The following RGS9 variants were observed in gnomAD, a reference collection of about 807,000 sequenced individuals.
RGS9 encodes the protein regulator of G protein signaling 9, also known as regulator of G-protein signalling 9.
RGS9 carries 78 observed loss-of-function variants against 102.0 expected under a neutral mutation model. The observed-to-expected ratio is 0.76, with a 90% confidence interval of 0.64 to 0.92. The LOEUF is 0.92. Among genes scored for constraint, RGS9 ranks in the 40% least tolerant of loss-of-function variants. The pLI is 0.00. For missense variants in RGS9, 833 were observed against 866.1 expected (o/e 0.96, Z 0.48); for synonymous variants, 353 against 318.6 (o/e 1.11, Z -1.15).
In RGS9 at chr17:65,173,805, G is replaced by A. The variant is rs900959904; in HGVS notation, c.583-3927G>A. Among the ~76,000 whole-genome samples the A allele has an allele frequency of 2.0e-5, 3 of 151,716 alleles. No individual in the cohort carries two copies. Among genetic ancestry groups the A allele is most frequent in the Non-Finnish European group, 4.4e-5 (3 of 68,048 alleles). ...CAGCACTCTGGTGATGATCATAGTGGGTCAAAGACTTTACACTACCTGATG... is the reference window on the plus strand; with the variant it reads ...CAGCACTCTGGTGATGATCATAGTGAGTCAAAGACTTTACACTACCTGATG... On this transcript the variant is annotated intron_variant, in intron 8 of 18. Coordinates refer to ENST00000262406, the MANE Select transcript of RGS9 (RefSeq NM_003835.4). This position sits in a 1 kb window ranked among gnomAD's most constrained non-coding sequence, Gnocchi z 4.8.
chr17:65,148,836 C>T (rs762007010), intron 1 of RGS9, among the ~76,000 whole-genome samples: 17 of 152,216 alleles, frequency 1.1e-4, no homozygotes, highest in Non-Finnish European at 2.1e-4. Flanking sequence ...GCATGAGCTA[C>T]CATGTCTGAC....
At chr17:65,212,677 G>A (rs57311249) in intron 17 of RGS9, among the ~76,000 whole-genome samples, 4,282 of 152,276 alleles carry the variant, frequency 0.028, 207 homozygotes, top group African/African-American at 0.096. Context: ...CTGGTTTCAT[G>A]TTAGCAAAAT....
chr17:65,167,304 C>T (rs916240207), intron 7 of RGS9, among the ~76,000 whole-genome samples: 11 of 152,012 alleles, frequency 7.2e-5, no homozygotes, highest in Non-Finnish European at 1.5e-4. Context: ...CAGATTCAAA[C>T]GATTCTCCTG....
At position 65,202,161 on chromosome 17, in the gene RGS9, T is replaced by C; in HGVS notation, c.1064+81T>C. On this transcript the variant is annotated intron_variant, in intron 14 of 18. Transcript: ENST00000262406. ...CATTGTGCTTGAGGTGAAGATAGGA[T>C]GAGAGGACAACAGCCTGGTAGCTGG... is the stretch of plus-strand genomic sequence containing the variant. The C allele has an allele frequency of 3.2e-6, 3 of 950,098 alleles. No individual in the cohort carries two copies. The South Asian group carries it at 4.0e-5, about 13-fold the overall frequency. 58.9% of individuals were successfully genotyped at this position (950,098 alleles called of 1,614,324 possible). A position where few individuals can be genotyped will look rare whatever the true frequency, so the allele number is the denominator to read the frequency against.
chr17:65,204,899 T>C (rs1168915361), intron 15 of RGS9, among the ~76,000 whole-genome samples: 1 of 152,196 alleles, frequency 6.6e-6, no homozygotes, highest in Non-Finnish European at 1.5e-5. Flanking sequence ...CTGGGATTCA[T>C]AGCCAGGTCT....
At chr17:65,167,376 ATT>A (rs111943608) in intron 7 of RGS9, among the ~76,000 whole-genome samples, 2,871 of 151,942 alleles carry the variant, frequency 0.019, 111 homozygotes, top group African/African-American at 0.066. Flanking sequence ...ACATTTTTAT[ATT>A]TTTGGTAGAG....
chr17:65,196,771 A>G (rs927355800), intron 12 of RGS9, among the ~76,000 whole-genome samples: 1 of 152,354 alleles, frequency 6.6e-6, no homozygotes, highest in African/African-American at 2.4e-5. Context: ...CTCCTAGTCC[A>G]GGTGGCAGCC....
At chr17:65,153,703 A>G (rs1910668402) in intron 2 of RGS9, among the ~76,000 whole-genome samples, 185 bp downstream of exon 2, 1 of 151,450 alleles carries the variant, frequency 6.6e-6, no homozygotes, top group Admixed American at 6.6e-5. Flanking sequence ...CATCCTGGCT[A>G]ACACGGTGAA....
At chr17:65,199,008 G>A (rs1912712392) in intron 13 of RGS9, among the ~76,000 whole-genome samples, 1 of 152,164 alleles carries the variant, frequency 6.6e-6, no homozygotes. Context: ...ATTCCTTAGT[G>A]AGAATCCAGC....
chr17:65,171,929 C>A (rs1295145226), intron 8 of RGS9, among the ~76,000 whole-genome samples: 1 of 152,212 alleles, frequency 6.6e-6, no homozygotes, highest in Non-Finnish European at 1.5e-5. Flanking sequence ...TGACTTCCTG[C>A]CTCCCAAGGA....
intron 1 of RGS9, among the ~76,000 whole-genome samples, chr17:65,141,095 G>A (rs1261886034): frequency 6.6e-6 from 1 of 152,218 alleles, no homozygotes; most frequent in East Asian, 1.9e-4. Flanking sequence ...CTCCATCTCA[G>A]TCTCAATGCA....
At position 65,168,574 on chromosome 17, in the gene RGS9, A is replaced by C. The variant is rs114827476; in HGVS notation, c.582+293A>C. Among the ~76,000 whole-genome samples, 1,167 of 134,800 alleles carry C rather than the reference A, an allele frequency of 8.7e-3. 11 individuals are homozygous for C. Among genetic ancestry groups the C allele is most frequent in the African/African-American group, 0.032 (1,119 of 35,024 alleles). The allele number at this position is 134,800 out of a possible 152,430, so 88.4% of individuals were successfully genotyped here. A position where few individuals can be genotyped will look rare whatever the true frequency, so the allele number is the denominator to read the frequency against. On this transcript the variant is annotated intron_variant, in intron 8 of 18. Transcript: ENST00000262406. ...TTTTTTTTTTTTTTTTTTTGCTAGGATATCATACCTTGGGAAAGGAATATA... is the reference window on the plus strand; with the variant it reads ...TTTTTTTTTTTTTTTTTTTGCTAGGCTATCATACCTTGGGAAAGGAATATA...
At chr17:65,199,488 C>CTTTTTTTTTT (rs3034101) in intron 13 of RGS9, among the ~76,000 whole-genome samples, 6 of 108,330 alleles carry the variant, frequency 5.5e-5, no homozygotes, top group African/African-American at 7.8e-5. Flanking sequence ...GCTTCTGTTC[C>CTTTTTTTTTT]TTTTTTTTTT....
At chr17:65,151,760 C>G (rs1598561784) in intron 1 of RGS9, among the ~76,000 whole-genome samples, 1 of 152,314 alleles carries the variant, frequency 6.6e-6, no homozygotes, top group Admixed American at 6.5e-5. Flanking sequence ...TCTGTGTCAC[C>G]CTTAGTGAAC....
chr17:65,172,424 C>T (rs936411807), intron 8 of RGS9, among the ~76,000 whole-genome samples: 2 of 151,926 alleles, frequency 1.3e-5, no homozygotes, highest in Non-Finnish European at 2.9e-5. Flanking sequence ...AGGCTGGTCT[C>T]GAACTCCTGA....
At chr17:65,159,084 C>T (rs1910881303) in intron 3 of RGS9, among the ~76,000 whole-genome samples, 1 of 152,178 alleles carries the variant, frequency 6.6e-6, no homozygotes. Flanking sequence ...TAACTGAGGG[C>T]ATTACCTTGT....
intron 9 of RGS9, among the ~76,000 whole-genome samples, chr17:65,182,995 T>C (rs1207771173): frequency 6.6e-6 from 1 of 152,196 alleles, no homozygotes; most frequent in Non-Finnish European, 1.5e-5. Context: ...GACGGCTATT[T>C]ACTTCACATG....
At chr17:65,144,410 G>A (rs1400074075) in intron 1 of RGS9, among the ~76,000 whole-genome samples, 2 of 152,124 alleles carry the variant, frequency 1.3e-5, no homozygotes, top group Admixed American at 6.6e-5. Context: ...CTGTGATGTC[G>A]GGGTTCCCTG....
At chr17:65,156,504 C>T (rs924666142) in intron 2 of RGS9, among the ~76,000 whole-genome samples, 1 of 152,188 alleles carries the variant, frequency 6.6e-6, no homozygotes, top group African/African-American at 2.4e-5. Flanking sequence ...CCTGGTCCTG[C>T]AACAACAGCA....
Sources: allele counts gnomAD v4.1 joint callset (sites outside exome capture counted in the v4.1 genomes callset), GRCh38; gene constraint gnomAD v4.1.1; non-coding constraint Gnocchi (gnomAD v3.1); transcripts MANE v1.5; gene names NCBI Gene and HGNC (gene_info 2026-07-23, HGNC 2026-07-21).